Variants in NRIP1 observed in about 807,000 individuals in gnomAD.
The protein encoded by NRIP1 is nuclear receptor interacting protein 1.
A neutral mutation model predicts 75.0 loss-of-function variants in NRIP1; 28 were observed. The ratio of observed to expected loss-of-function variants is 0.37; its 90% CI spans 0.28 to 0.51. NRIP1 has a LOEUF of 0.51. Ranked by LOEUF, NRIP1 falls within the 20% of genes least tolerant of loss-of-function variation. The probability of loss-of-function intolerance (pLI) is 0.92; values close to 1 mark genes in which losing one functional copy is unlikely to be tolerated. For missense variants in NRIP1, 1,435 were observed against 1,343.7 expected (o/e 1.07, Z -1.06); for synonymous variants, 526 against 487.6 (o/e 1.08, Z -1.04).
chr21:14,969,116 A>G (rs1204864611), intron 3 of NRIP1, among the ~76,000 whole-genome samples: 1 of 152,212 alleles, frequency 6.6e-6, no homozygotes, highest in Non-Finnish European at 1.5e-5. Flanking sequence ...GTTGAAGATT[A>G]TTTTGTGAGT....
At chr21:14,971,246 T>C (rs967545159) in intron 3 of NRIP1, among the ~76,000 whole-genome samples, 1 of 152,164 alleles carries the variant, frequency 6.6e-6, no homozygotes, top group Non-Finnish European at 1.5e-5. Context: ...TTGGGATACA[T>C]TAAGTTATTC....
intron 3 of NRIP1, among the ~76,000 whole-genome samples, chr21:15,011,123 G>C (rs2088090289): frequency 6.6e-6 from 1 of 152,136 alleles, no homozygotes. Flanking sequence ...AGTGTTTTAT[G>C]AAGTTGGACA....
intron 3 of NRIP1, among the ~76,000 whole-genome samples, chr21:14,993,855 C>T (rs1438374450): frequency 6.6e-6 from 1 of 151,974 alleles, no homozygotes; most frequent in Non-Finnish European, 1.5e-5. Context: ...GTTAATTCAC[C>T]TTTTTCCTTC....
At chr21:15,020,562 C>T (rs1410067704) in intron 2 of NRIP1, among the ~76,000 whole-genome samples, 1 of 151,988 alleles carries the variant, frequency 6.6e-6, no homozygotes, top group Non-Finnish European at 1.5e-5. Context: ...AACAAAAGCA[C>T]AATCCATTTA....
chr21:14,966,453 T>C lies in NRIP1; in HGVS notation c.1740A>G (p.Pro580=), dbSNP rs2086746109. Residue 580 remains proline (P), a synonymous_variant, in exon 4 of 4, where the codon CCA becomes CCG. Transcript: ENST00000318948. ...CAGACTGAGTACTGCAGACATATGG[T>C]GGGGAATTCCATTTGATGACCAGAG... ...QHSLVIKWNS[P]PYVCSTQSEK... 4 of 1,613,938 alleles carry C rather than the reference T, an allele frequency of 2.5e-6. No individual in the cohort carries two copies. Among genetic ancestry groups the C allele is most frequent in the African/African-American group, 1.3e-5 (1 of 74,894 alleles).
intron 3 of NRIP1, among the ~76,000 whole-genome samples, chr21:14,995,248 T>TA (rs2087690388): frequency 6.6e-6 from 1 of 152,156 alleles, no homozygotes; most frequent in Non-Finnish European, 1.5e-5. Context: ...TGCTTACCAG[T>TA]ATTAACCTTG....
rs143451872 is a variant in NRIP1, at chr21:14,966,356, G to A, written c.1837C>T (p.Pro613Ser). The change falls in exon 4 of 4, where the codon CCA becomes TCA. Residue 613 changes from proline (P) to serine (S), a missense_variant. Coordinates refer to ENST00000318948, the MANE Select transcript of NRIP1 (RefSeq NM_003489.4). ...TKSKDPPGEK[P>S]AQNEGAQNSA... ...TTCTGTGCACCTTCATTTTGGGCTG[G>A]TTTCTCTCCTGGTGGGTCTTTGCTT... 3.1e-6 allele frequency: 5 copies of A among 1,613,902 alleles called. No homozygotes were observed. The highest frequency in any genetic ancestry group is 4.2e-6 in the Non-Finnish European group (5 of 1,179,974).
At chr21:15,034,791 C>CATAAAAA (rs1410855033) in intron 2 of NRIP1, among the ~76,000 whole-genome samples, 1 of 151,076 alleles carries the variant, frequency 6.6e-6, no homozygotes, top group African/African-American at 2.4e-5. Context: ...AGTAAATGAA[C>CATAAAAA]ATAAAAAATA....
chr21:15,003,306 C>T (rs1221796925), intron 3 of NRIP1, among the ~76,000 whole-genome samples: 1 of 151,764 alleles, frequency 6.6e-6, no homozygotes, highest in Non-Finnish European at 1.5e-5. Context: ...AGGAGGCATC[C>T]TAAGCCGTTC....
chr21:14,966,636 A>T lies in NRIP1; in HGVS notation c.1557T>A (p.Pro519=). The change falls in exon 4 of 4, where the codon CCT becomes CCA. Residue 519 remains proline (P), a synonymous_variant. Transcript: ENST00000318948. ...TGCTCACATCATTGTGTACTCCCTG[A>T]GGGCTGGTGTTTTTTTCTACATTTT... ...NEENVEKNTS[P]QGVHNDVSKF... is the part of the protein sequence containing the mutation. The T allele has an allele frequency of 6.2e-7, 1 of 1,614,060 alleles. No individual in the cohort carries two copies. The highest frequency in any genetic ancestry group is 8.5e-7 in the Non-Finnish European group (1 of 1,179,978).
chr21:15,051,824 T>C (rs192325402), intron 1 of NRIP1: 144 of 152,358 alleles, frequency 9.5e-4, no homozygotes, highest in African/African-American at 3.4e-3. Flanking sequence ...TGCTAATCAC[T>C]GCTGCCCTTT....
At chr21:15,016,518 C>A (rs1443683300) in intron 2 of NRIP1, among the ~76,000 whole-genome samples, 1 of 152,078 alleles carries the variant, frequency 6.6e-6, no homozygotes, top group Non-Finnish European at 1.5e-5. Context: ...TTTTCAATTA[C>A]CTTTTTTCCT....
chr21:14,973,572 A>G (rs2146970084), intron 3 of NRIP1, among the ~76,000 whole-genome samples: 1 of 152,322 alleles, frequency 6.6e-6, no homozygotes, highest in Non-Finnish European at 1.5e-5. Flanking sequence ...ATTTTGAGGA[A>G]AAAATGGTTA....
At chr21:15,030,696 G>A (rs1329069677) in intron 2 of NRIP1, among the ~76,000 whole-genome samples, 1 of 152,212 alleles carries the variant, frequency 6.6e-6, no homozygotes. Context: ...CTCAGAGGGA[G>A]GAAAACATGG....
intron 2 of NRIP1, among the ~76,000 whole-genome samples, chr21:15,020,207 T>C (rs1360596417): frequency 5.9e-5 from 9 of 152,186 alleles, no homozygotes; most frequent in Admixed American, 3.9e-4. Context: ...CAAAACATAC[T>C]ATAAATCTAT....
At chr21:14,985,743 A>G (rs2087381677) in intron 3 of NRIP1, among the ~76,000 whole-genome samples, 2 of 152,180 alleles carry the variant, frequency 1.3e-5, no homozygotes, top group African/African-American at 4.8e-5. Flanking sequence ...GATTTAGGTT[A>G]TATCAAGAAT....
At chr21:15,019,259 C>T (rs1037348256) in intron 2 of NRIP1, among the ~76,000 whole-genome samples, 1 of 149,774 alleles carries the variant, frequency 6.7e-6, no homozygotes, top group African/African-American at 2.4e-5. Context: ...CTTTCCCCAC[C>T]TAAGATCTGA....
intron 2 of NRIP1, among the ~76,000 whole-genome samples, chr21:15,017,136 C>T (rs989394761): frequency 1.2e-4 from 19 of 152,084 alleles, no homozygotes; most frequent in African/African-American, 4.3e-4. Flanking sequence ...ATAAGAAACC[C>T]TACAAACTGG....
Position 15,004,000 on chromosome 21 carries a change from A to G in NRIP1, c.-335+10344T>C, listed in dbSNP as rs2087908276. ...TCCTCACATATAGATTTCCCCTCCA[A>G]TATTTTCTTTTTGCAAACCTGAGAT... On this transcript the variant is annotated intron_variant, in intron 3 of 3. Transcript: ENST00000318948. Among the ~76,000 whole-genome samples the G allele has an allele frequency of 2.6e-5, 4 of 152,284 alleles. No individual in the cohort carries two copies. The South Asian group carries it at 8.3e-4, about 32-fold the overall frequency.
Sources: gnomAD v4.1 joint callset for allele counts (sites outside exome capture counted in the v4.1 genomes callset) on GRCh38, gnomAD v4.1.1 for gene constraint, MANE v1.5 for transcripts, NCBI Gene and HGNC (gene_info 2026-07-23, HGNC 2026-07-21) for gene names.